The following DIXDC1 variants were observed in gnomAD, a reference collection of about 807,000 sequenced individuals.
The protein encoded by DIXDC1 is DIX domain containing 1.
DIXDC1 carries 64 observed loss-of-function variants against 103.1 expected under a neutral mutation model. The observed-to-expected ratio is 0.62, with a 90% CI of 0.51 to 0.76. The LOEUF (loss-of-function observed/expected upper bound fraction) is 0.76, where lower values mean the gene tolerates loss of function less well. Ranked by LOEUF, DIXDC1 falls within the 30% of genes least tolerant of loss-of-function variation. The pLI is 0.00. For synonymous variants in DIXDC1, 266 were observed against 298.5 expected, an observed-to-expected ratio of 0.89 and a Z score of 1.12; for missense variants, 759 against 834.2, an observed-to-expected ratio of 0.91 and a Z score of 1.11.
At chr11:111,929,724 G>A (rs1329873009) in intron 1 of DIXDC1, 3 of 693,016 alleles carry the variant, frequency 4.3e-6, no homozygotes, top group Non-Finnish European at 7.0e-6. Flanking sequence ...GGTAGGTTTT[G>A]GGGAGGGGTC....
intron 1 of DIXDC1, among the ~76,000 whole-genome samples, chr11:111,943,523 G>A (rs1452443347): frequency 7.7e-6 from 1 of 129,484 alleles, no homozygotes; most frequent in Non-Finnish European, 1.6e-5. Context: ...TTTTTGAGAC[G>A]GAGGCTTGCT....
At chr11:112,014,015 C>T (rs1190356542) in intron 17 of DIXDC1, among the ~76,000 whole-genome samples, 1 of 152,048 alleles carries the variant, frequency 6.6e-6, no homozygotes, top group Non-Finnish European at 1.5e-5. Context: ...TTTGTGGGAA[C>T]TAATGGGTGA....
chr11:111,937,767 C>T (rs1555168399), intron 1 of DIXDC1, among the ~76,000 whole-genome samples: 3 of 152,210 alleles, frequency 2.0e-5, no homozygotes, highest in Admixed American at 6.5e-5. Context: ...CTAAGCTGGG[C>T]CATGACCTTC....
chr11:112,004,894 T>G (rs1437131648), intron 17 of DIXDC1, among the ~76,000 whole-genome samples: 2 of 152,190 alleles, frequency 1.3e-5, no homozygotes, highest in African/African-American at 4.8e-5. Flanking sequence ...ACAAACAGTG[T>G]GCCCATTTCT....
intron 7 of DIXDC1, 103 bp downstream of exon 7, chr11:111,982,590 C>T: frequency 7.9e-7 from 1 of 1,263,542 alleles, no homozygotes; most frequent in Non-Finnish European, 1.1e-6. Flanking sequence ...GAGGTCAGAA[C>T]TGAATGAGGA....
intron 17 of DIXDC1, among the ~76,000 whole-genome samples, chr11:111,997,589 G>A (rs184168272): frequency 3.9e-4 from 60 of 152,212 alleles, no homozygotes; most frequent in African/African-American, 1.4e-3. Context: ...TCCTTTTCTA[G>A]CAGTGTTTCA....
At chr11:111,937,140 GGT>G (rs1966225742), upstream of DIXDC1, 591 of 749,234 alleles carry the variant, frequency 7.9e-4, 1 homozygote, top group Middle Eastern at 1.3e-3. Context: ...GCGGGGGGGG[GGT>G]GTGCGCGTGC....
In DIXDC1 at chr11:111,963,749, C is replaced by T. The variant is rs181104232; in HGVS notation, c.61-800C>T. Among the ~76,000 whole-genome samples, 616 of 152,240 alleles carry T rather than the reference C, an allele frequency of 4.0e-3. 3 individuals are homozygous for T. The highest frequency in any genetic ancestry group is 6.5e-3 in the Non-Finnish European group (443 of 68,014). ...GGACAAAATGTAATATGTAAGGTTT[C>T]CAAGGGTTGGAATGAGTTGTATGTC... On this transcript the variant is annotated intron_variant, in intron 1 of 19. Transcript: ENST00000440460.
chr11:111,937,432 G>A lies in DIXDC1; in HGVS notation c.-68G>A, dbSNP rs587595489. ...TGAGCCGAGAGCCTTTGTGTGCAGA[G>A]GGAGGAGGAGGAGGCGGCGGCGGCC... is the stretch of plus-strand genomic sequence containing the variant. On this transcript the variant is annotated 5_prime_UTR_variant, in exon 1 of 20. Coordinates refer to ENST00000440460, the MANE Select transcript of DIXDC1 (RefSeq NM_001037954.4). The A allele has an allele frequency of 8.4e-5, 130 of 1,544,862 alleles. 1 individual carries two copies. In the South Asian group the frequency reaches 1.3e-3, roughly 15 times the overall value.
intron 17 of DIXDC1, among the ~76,000 whole-genome samples, chr11:112,003,721 C>G (rs1348489781): frequency 4.6e-5 from 7 of 151,686 alleles, no homozygotes; most frequent in Non-Finnish European, 1.0e-4. Context: ...TCGCTTGAAC[C>G]CGGGAGGTGG....
chr11:112,016,918 T>A, intron 18 of DIXDC1, 122 bp downstream of exon 18: 1 of 763,804 alleles, frequency 1.3e-6, no homozygotes, highest in South Asian at 1.7e-5. Context: ...GATCTCACTA[T>A]AGTGAGATAA....
rs1359876171 is a variant in DIXDC1 at position 111,958,312 on chromosome 11, C to CCCAAG, written c.61-6233_61-6229dup. On this transcript the variant is annotated intron_variant, in intron 1 of 19. Transcript: ENST00000440460. This position sits in a 1 kb window ranked among gnomAD's most constrained non-coding sequence, Gnocchi z 4.2. ...TCAGGTATAGCTGCAGCTGCAGCTG[C>CCCAAG]CCAAGCCACAGCTGTGGACCCAGGC... Among the ~76,000 whole-genome samples the CCCAAG allele has an allele frequency of 5.3e-5, 8 of 152,198 alleles. No homozygotes were observed. Among genetic ancestry groups the CCCAAG allele is most frequent in the African/African-American group, 1.9e-4 (8 of 41,462 alleles).
intron 4 of DIXDC1, 103 bp from the exon 5 acceptor site, chr11:111,974,773 A>G (rs1468887760): frequency 9.2e-6 from 14 of 1,514,694 alleles, no homozygotes; most frequent in Non-Finnish European, 1.2e-5. Flanking sequence ...TGTCTTACTC[A>G]TGTGTGTATA....
At chr11:111,954,894 A>G (rs782046417) in intron 1 of DIXDC1, among the ~76,000 whole-genome samples, 2 of 152,168 alleles carry the variant, frequency 1.3e-5, no homozygotes, top group Non-Finnish European at 2.9e-5. Flanking sequence ...TAAATTATGT[A>G]TGTAAATATA....
intron 10 of DIXDC1, among the ~76,000 whole-genome samples, chr11:111,989,456 C>T (rs1860617688): frequency 6.6e-6 from 1 of 151,922 alleles, no homozygotes; most frequent in Non-Finnish European, 1.5e-5. Context: ...AACCCCATCT[C>T]TACTAAAAAT....
chr11:111,992,311 C>T, intron 10 of DIXDC1, 104 bp from the exon 11 acceptor site: 1 of 1,034,842 alleles, frequency 9.7e-7, no homozygotes, highest in Non-Finnish European at 1.4e-6. Context: ...TTCCAGTCTG[C>T]CATAACGAAT....
At chr11:111,981,234 G>A (rs587598376) in intron 6 of DIXDC1, among the ~76,000 whole-genome samples, 69 of 152,298 alleles carry the variant, frequency 4.5e-4, no homozygotes, top group South Asian at 3.1e-3. Context: ...ATGAGCTGAG[G>A]TGTCTGTGAG....
upstream of DIXDC1, among the ~76,000 whole-genome samples, chr11:111,936,819 T>C (rs1966201274): frequency 6.6e-6 from 1 of 151,760 alleles, no homozygotes; most frequent in African/African-American, 2.4e-5. Context: ...CACCTTCTGG[T>C]GGGCCGTTTG....
intron 10 of DIXDC1, 70 bp from the exon 11 acceptor site, chr11:111,992,345 A>G: frequency 4.5e-6 from 6 of 1,338,640 alleles, no homozygotes; most frequent in Non-Finnish European, 6.2e-6. Context: ...TAAAGGCTTT[A>G]GTAATTTGTA....
Sources: gnomAD v4.1 joint callset for allele counts (sites outside exome capture counted in the v4.1 genomes callset) on GRCh38, gnomAD v4.1.1 for gene constraint, Gnocchi (gnomAD v3.1) non-coding constraint, MANE v1.5 for transcripts, NCBI Gene and HGNC (gene_info 2026-07-23, HGNC 2026-07-21) for gene names.